CLTB: variants seen among roughly 807,000 people sequenced by gnomAD.
CLTB encodes clathrin, light chain (Lcb).
CLTB carries 10 observed loss-of-function variants against 30.5 expected under a neutral mutation model. That is an observed-to-expected ratio of 0.33 (90% confidence interval 0.20 to 0.56). The LOEUF is 0.56. CLTB is among the 20% of genes least tolerant of loss of function. The pLI is 0.91. For missense variants in CLTB, 261 were observed against 308.3 expected (o/e 0.85, Z 1.15); for synonymous variants, 102 against 120.3 (o/e 0.85, Z 1.00).
chr5:176,406,064 G>A (rs757103629), intron 2 of CLTB: 79 of 756,178 alleles, frequency 1.0e-4, no homozygotes, highest in Non-Finnish European at 1.2e-4. Context: ...ATTATTTCCG[G>A]GCTGCTCAGA....
At chr5:176,394,352 G>C (rs541634507) in intron 5 of CLTB, among the ~76,000 whole-genome samples, 12 of 152,304 alleles carry the variant, frequency 7.9e-5, no homozygotes, top group African/African-American at 2.4e-4. Flanking sequence ...GGGTTTTCAC[G>C]AGACCCCCTG....
intron 2 of CLTB, among the ~76,000 whole-genome samples, chr5:176,399,280 A>G (rs1756697760): frequency 6.6e-6 from 1 of 152,220 alleles, no homozygotes; most frequent in African/African-American, 2.4e-5. Context: ...TGTTGAGTAG[A>G]GAAGCATCCC....
intron 4 of CLTB, among the ~76,000 whole-genome samples, chr5:176,397,308 CCT>C (rs1756572626): frequency 6.7e-6 from 1 of 150,332 alleles, no homozygotes; most frequent in Non-Finnish European, 1.5e-5. Flanking sequence ...CCCCACAGCC[CCT>C]CTCATGTCCC....
At chr5:176,414,009 A>G (rs916898166) in intron 1 of CLTB, among the ~76,000 whole-genome samples, 2 of 152,134 alleles carry the variant, frequency 1.3e-5, no homozygotes, top group Admixed American at 6.5e-5. Flanking sequence ...TGCCATCCAG[A>G]CTGTAAGTCC....
At chr5:176,397,116 G>A (rs1350647395) in intron 4 of CLTB, among the ~76,000 whole-genome samples, 1 of 152,070 alleles carries the variant, frequency 6.6e-6, no homozygotes, top group African/African-American at 2.4e-5. Context: ...CGCCCTTTGA[G>A]GACATAAGGC....
intron 2 of CLTB, chr5:176,406,835 A>G: frequency 1.5e-6 from 1 of 655,770 alleles, no homozygotes; most frequent in Non-Finnish European, 2.1e-6. Context: ...GCTCAATCCT[A>G]AAGAGCTGGG....
intron 1 of CLTB, among the ~76,000 whole-genome samples, chr5:176,415,239 C>A (rs935349321): frequency 6.6e-6 from 1 of 152,186 alleles, no homozygotes; most frequent in Admixed American, 6.5e-5. Context: ...CTTTGGAAAA[C>A]CATTAAGTCG....
At chr5:176,396,128 TC>T (rs1443180161) in intron 5 of CLTB, among the ~76,000 whole-genome samples, 1 of 151,922 alleles carries the variant, frequency 6.6e-6, no homozygotes, top group South Asian at 2.1e-4. Context: ...AGAGCGAAAC[TC>T]CATCTCAAAA....
At chr5:176,408,761 T>A (rs566844666) in intron 2 of CLTB, among the ~76,000 whole-genome samples, 1 of 152,320 alleles carries the variant, frequency 6.6e-6, no homozygotes, top group East Asian at 1.9e-4. Context: ...ATTCACATGA[T>A]CTTCTCACTT....
At chr5:176,395,503 G>A (rs936331338) in intron 5 of CLTB, among the ~76,000 whole-genome samples, 1 of 152,196 alleles carries the variant, frequency 6.6e-6, no homozygotes, top group Non-Finnish European at 1.5e-5. Context: ...GCTTAGCCTC[G>A]ACACATGACG....
Position 176,397,798 on chromosome 5 carries a change from C to G in CLTB, c.353-80G>C, listed in dbSNP as rs994928855. On this transcript the variant is annotated intron_variant, in intron 3 of 5. Transcript: ENST00000310418. ...GGCCGCGCTCCTCCCCTGGCCCCTG[C>G]CAGGCAGCCACAGGGCCGCACCGGC... The G allele has an allele frequency of 2.0e-6, 3 of 1,522,866 alleles. No homozygotes were observed. In the African/African-American group the frequency reaches 4.1e-5, roughly 21 times the overall value. The allele number at this position is 1,522,866 out of a possible 1,614,324, so 94.3% of individuals were successfully genotyped here.
intron 2 of CLTB, among the ~76,000 whole-genome samples, chr5:176,400,636 C>T (rs13181024): frequency 0.15 from 22,366 of 152,192 alleles, 2,558 homozygotes; most frequent in African/African-American, 0.31. Context: ...CTGCAGGCAT[C>T]CCACTCCAGC....
At chr5:176,403,979 C>A (rs187923258) in intron 2 of CLTB, among the ~76,000 whole-genome samples, 357 of 151,590 alleles carry the variant, frequency 2.4e-3, no homozygotes, top group African/African-American at 8.3e-3. Flanking sequence ...AGGCTGGTCT[C>A]AAACTCCTGG....
chr5:176,404,287 C>T (rs1342507831), intron 2 of CLTB, among the ~76,000 whole-genome samples: 1 of 152,220 alleles, frequency 6.6e-6, no homozygotes, highest in Non-Finnish European at 1.5e-5. Flanking sequence ...GCCCCCAGGT[C>T]TCATGGCCCG....
At chr5:176,415,842 GC>G (rs1303744351) in intron 1 of CLTB, among the ~76,000 whole-genome samples, 3 of 152,192 alleles carry the variant, frequency 2.0e-5, no homozygotes, top group African/African-American at 7.2e-5. Context: ...TTAGCTGGGA[GC>G]CTGGGACACC....
intron 1 of CLTB, among the ~76,000 whole-genome samples, chr5:176,414,979 T>C (rs946953076): frequency 1.3e-5 from 2 of 152,248 alleles, no homozygotes; most frequent in South Asian, 4.1e-4. Context: ...TATGTCTATA[T>C]GTATATATGT....
At chr5:176,406,259 G>A (rs953079932) in intron 2 of CLTB, 40 of 1,031,066 alleles carry the variant, frequency 3.9e-5, no homozygotes, top group Non-Finnish European at 4.7e-5. Context: ...AAGCTCTGGA[G>A]AGAGAAAGGG....
intron 1 of CLTB, among the ~76,000 whole-genome samples, chr5:176,412,413 G>A (rs1253876150): frequency 1.3e-5 from 2 of 152,148 alleles, no homozygotes; most frequent in Non-Finnish European, 2.9e-5. Flanking sequence ...GTCCTATTCA[G>A]CTCCTCAGGG....
At chr5:176,410,750 G>C (rs544181266) in intron 1 of CLTB, among the ~76,000 whole-genome samples, 1 of 117,788 alleles carries the variant, frequency 8.5e-6, no homozygotes, top group East Asian at 2.4e-4. Flanking sequence ...AGGAAGAGAG[G>C]GGCCTACGCG....
Sources: gnomAD v4.1 joint callset for allele counts (sites outside exome capture counted in the v4.1 genomes callset) on GRCh38, gnomAD v4.1.1 for gene constraint, MANE v1.5 for transcripts, NCBI Gene and HGNC (gene_info 2026-07-23, HGNC 2026-07-21) for gene names.